UTS2: variants seen among roughly 807,000 people sequenced by gnomAD.
UTS2 encodes the protein urotensin-2.
In UTS2, 10 loss-of-function variants were observed where a neutral mutation model predicts 12.6. The ratio of observed to expected loss-of-function variants is 0.80; its 90% confidence interval spans 0.49 to 1.35. The LOEUF is 1.35. UTS2 is among the 40% of genes most tolerant of loss of function. The pLI is 0.00. For synonymous variants in UTS2, 52 were observed against 50.0 expected, an observed-to-expected ratio of 1.04 and a Z score of -0.17; for missense variants, 142 against 143.2, an observed-to-expected ratio of 0.99 and a Z score of 0.04.
the UTS2 span, among the ~76,000 whole-genome samples, chr1:7,884,272 A>G: frequency 6.6e-6 from 1 of 150,966 alleles, no homozygotes. Context: ...TTTCTGTGTG[A>G]TACATATGTA....
At chr1:7,853,602 A>C (rs888645465), upstream of UTS2, 3 of 843,274 alleles carry the variant, frequency 3.6e-6, no homozygotes, top group Non-Finnish European at 5.4e-6. Context: ...AATTCTGTAC[A>C]TACACGTGGC....
the UTS2 span, among the ~76,000 whole-genome samples, chr1:7,876,851 G>A: frequency 6.6e-6 from 1 of 150,826 alleles, no homozygotes; most frequent in Non-Finnish European, 1.5e-5. Context: ...GAACACAGCG[G>A]CTGGGCACGG....
chr1:7,879,397 G>T, the UTS2 span, among the ~76,000 whole-genome samples: 2 of 152,256 alleles, frequency 1.3e-5, no homozygotes, highest in Non-Finnish European at 2.9e-5. Context: ...TAAATGACAT[G>T]CTCCTGAGTG....
At chr1:7,877,872 TA>T in the UTS2 span, among the ~76,000 whole-genome samples, 61,071 of 147,734 alleles carry the variant, frequency 0.41, 12,880 homozygotes, top group Admixed American at 0.57. Flanking sequence ...GACTCTGTCT[TA>T]AAAAAAAAAA....
the UTS2 span, among the ~76,000 whole-genome samples, chr1:7,910,222 C>T: frequency 6.6e-6 from 1 of 152,124 alleles, no homozygotes; most frequent in Non-Finnish European, 1.5e-5. Flanking sequence ...GAAACCAGAA[C>T]CCCTTTTTCC....
the UTS2 span, among the ~76,000 whole-genome samples, chr1:7,894,173 C>CT: frequency 1.3e-5 from 2 of 149,444 alleles, no homozygotes; most frequent in Non-Finnish European, 3.0e-5. Context: ...TTATCTCTCT[C>CT]TTTTTTTATT....
upstream of UTS2, among the ~76,000 whole-genome samples, chr1:7,857,468 A>T (rs116596163): frequency 2.2e-5 from 1 of 44,850 alleles, no homozygotes; most frequent in African/African-American, 1.3e-4. Context: ...GGTAGTTACT[A>T]CTATGTTAAA....
the UTS2 span, among the ~76,000 whole-genome samples, chr1:7,908,212 T>C: frequency 6.7e-6 from 1 of 149,266 alleles, no homozygotes; most frequent in South Asian, 2.1e-4. Context: ...GGCAGTAGAA[T>C]CACTTGAACC....
At chr1:7,861,178 T>C in the UTS2 span, among the ~76,000 whole-genome samples, 6 of 151,312 alleles carry the variant, frequency 4.0e-5, no homozygotes, top group South Asian at 1.3e-3. Flanking sequence ...GATCCCAGAG[T>C]TTTGGGCCTG....
the UTS2 span, among the ~76,000 whole-genome samples, chr1:7,911,577 C>A: frequency 6.6e-6 from 1 of 152,118 alleles, no homozygotes; most frequent in East Asian, 1.9e-4. Context: ...GTGAAGTTAA[C>A]CCTGACACTA....
the UTS2 span, among the ~76,000 whole-genome samples, chr1:7,902,993 C>T: frequency 2.1e-5 from 3 of 144,286 alleles, no homozygotes; most frequent in Non-Finnish European, 4.5e-5. Flanking sequence ...GCTTTTCTCC[C>T]TCCCTCCCTC....
At chr1:7,873,892 T>G in the UTS2 span, among the ~76,000 whole-genome samples, 1 of 152,164 alleles carries the variant, frequency 6.6e-6, no homozygotes. Context: ...AAAGAGTCAT[T>G]TGATGCAGCA....
chr1:7,857,498 G>A (rs1371423444), upstream of UTS2, among the ~76,000 whole-genome samples: 5 of 151,438 alleles, frequency 3.3e-5, no homozygotes, highest in African/African-American at 4.9e-5. Flanking sequence ...AGATGAGCTT[G>A]TGGGCAAGCA....
the UTS2 span, among the ~76,000 whole-genome samples, chr1:7,885,033 C>A: frequency 6.6e-6 from 1 of 151,148 alleles, no homozygotes; most frequent in Non-Finnish European, 1.5e-5. Flanking sequence ...CCCACCCACC[C>A]ATCCATCCAC....
At chr1:7,872,299 C>CAAAAAAAAAAAAAAAAAA in the UTS2 span, among the ~76,000 whole-genome samples, 5 of 65,888 alleles carry the variant, frequency 7.6e-5, no homozygotes, top group Non-Finnish European at 1.1e-4. Context: ...GACTCTGTCT[C>CAAAAAAAAAAAAAAAAAA]AAAAAAAAAA....
the UTS2 span, among the ~76,000 whole-genome samples, chr1:7,899,887 C>T: frequency 6.6e-6 from 1 of 152,146 alleles, no homozygotes; most frequent in African/African-American, 2.4e-5. Context: ...GGAAGCTTCA[C>T]GAGGGAAAGA....
the UTS2 span, among the ~76,000 whole-genome samples, chr1:7,872,990 C>T: frequency 6.6e-6 from 1 of 152,292 alleles, no homozygotes; most frequent in Admixed American, 6.5e-5. Flanking sequence ...TTTACCATTC[C>T]AAAAATCCTA....
At chr1:7,853,449 G>T, upstream of UTS2, 1 of 1,610,066 alleles carries the variant, frequency 6.2e-7, no homozygotes, top group Non-Finnish European at 8.5e-7. Context: ...TCTTTCATGA[G>T]TGAGTAGATG....
the UTS2 span, among the ~76,000 whole-genome samples, chr1:7,881,422 G>T: frequency 2.0e-5 from 3 of 152,174 alleles, no homozygotes; most frequent in Non-Finnish European, 4.4e-5. Flanking sequence ...TCTTAGAACT[G>T]ATAAGTGAAT....
Sources: gnomAD v4.1 joint callset for allele counts (sites outside exome capture counted in the v4.1 genomes callset) on GRCh38, gnomAD v4.1.1 for gene constraint, MANE v1.5 for transcripts, NCBI Gene and HGNC (gene_info 2026-07-23, HGNC 2026-07-21) for gene names.